XKR9: variants seen among roughly 807,000 people sequenced by gnomAD.
The protein encoded by XKR9 is XK-related protein 9.
In XKR9, 32 loss-of-function variants were observed where a neutral mutation model predicts 32.0. That is an observed-to-expected ratio of 1.00 (90% CI 0.76 to 1.34). The LOEUF (loss-of-function observed/expected upper bound fraction) is 1.34, where lower values mean the gene tolerates loss of function less well. Ranked by LOEUF, XKR9 falls within the 40% of genes most tolerant of loss-of-function variation. The pLI, the probability that XKR9 is intolerant of heterozygous loss-of-function variation, is 0.00. For missense variants in XKR9, 546 were observed against 429.7 expected (o/e 1.27, Z -2.39); for synonymous variants, 168 against 143.4 (o/e 1.17, Z -1.22).
At chr8:70,857,990 A>G in the XKR9 span, among the ~76,000 whole-genome samples, 1 of 152,082 alleles carries the variant, frequency 6.6e-6, no homozygotes, top group Non-Finnish European at 1.5e-5. Context: ...CTATCTAATG[A>G]AAACCCACAG....
chr8:70,716,793 A>C (rs753489310), intron 4 of XKR9, among the ~76,000 whole-genome samples: 1 of 152,166 alleles, frequency 6.6e-6, no homozygotes, highest in Non-Finnish European at 1.5e-5. Flanking sequence ...ATGTTAGCTC[A>C]TCCCAGCTTT....
At chr8:70,783,274 T>C (rs960790983) in intron 2 of XKR9, among the ~76,000 whole-genome samples, 5 of 151,954 alleles carry the variant, frequency 3.3e-5, no homozygotes, top group African/African-American at 1.2e-4. Context: ...TCGCCCAGGC[T>C]GGAGTGCAGT....
At chr8:70,689,630 A>G (rs564317771) in intron 3 of XKR9, among the ~76,000 whole-genome samples, 83 of 152,010 alleles carry the variant, frequency 5.5e-4, no homozygotes, top group Non-Finnish European at 1.0e-3. Flanking sequence ...ATTGAAAACA[A>G]TTTTAGTGTC....
At chr8:70,711,133 G>A (rs1057417314) in intron 4 of XKR9, among the ~76,000 whole-genome samples, 1 of 152,200 alleles carries the variant, frequency 6.6e-6, no homozygotes, top group Non-Finnish European at 1.5e-5. Context: ...GCAGATGTAG[G>A]TGAGGTTGCA....
At chr8:70,854,584 T>G in the XKR9 span, among the ~76,000 whole-genome samples, 1 of 152,224 alleles carries the variant, frequency 6.6e-6, no homozygotes, top group Non-Finnish European at 1.5e-5. Context: ...GTTTTAGTCA[T>G]GAAATCCTTG....
the XKR9 span, among the ~76,000 whole-genome samples, chr8:70,798,176 T>C: frequency 6.6e-6 from 1 of 152,114 alleles, no homozygotes; most frequent in Non-Finnish European, 1.5e-5. Flanking sequence ...ACCAGCAGTG[T>C]ATAAGTGTTC....
intron 3 of XKR9, among the ~76,000 whole-genome samples, chr8:70,685,490 TATA>T (rs56223664): frequency 1.8e-4 from 25 of 141,704 alleles, no homozygotes; most frequent in South Asian, 9.1e-4. Context: ...AAACTTAAAG[TATA>T]ATAATAATAA....
the XKR9 span, among the ~76,000 whole-genome samples, chr8:70,982,991 A>T: frequency 6.6e-6 from 1 of 152,190 alleles, no homozygotes; most frequent in Non-Finnish European, 1.5e-5. Flanking sequence ...GCTGTCACTC[A>T]TGTGTCATCC....
At chr8:70,930,920 C>T in the XKR9 span, among the ~76,000 whole-genome samples, 516 of 152,218 alleles carry the variant, frequency 3.4e-3, 5 homozygotes, top group African/African-American at 0.012. Flanking sequence ...GAACCTTCTT[C>T]ACCTTTCTGG....
At chr8:70,845,308 T>C in the XKR9 span, among the ~76,000 whole-genome samples, 1 of 152,060 alleles carries the variant, frequency 6.6e-6, no homozygotes, top group African/African-American at 2.4e-5. Flanking sequence ...TTAAAGTCAA[T>C]GCAAAAAGTT....
intron 4 of XKR9, among the ~76,000 whole-genome samples, chr8:70,709,443 A>G (rs957997430): frequency 6.6e-6 from 1 of 152,198 alleles, no homozygotes; most frequent in Non-Finnish European, 1.5e-5. Flanking sequence ...TGCTAGAAGT[A>G]CTAGCCAGAG....
At chr8:70,846,468 G>T in the XKR9 span, among the ~76,000 whole-genome samples, 1 of 151,608 alleles carries the variant, frequency 6.6e-6, no homozygotes, top group South Asian at 2.1e-4. Context: ...AGAAAGAAAG[G>T]AACAAAGATA....
the XKR9 span, among the ~76,000 whole-genome samples, chr8:70,895,530 G>C: frequency 2.5e-3 from 376 of 152,242 alleles, 11 homozygotes; most frequent in East Asian, 0.067. Flanking sequence ...TTTTGATTCA[G>C]ATTACTTTGA....
At chr8:70,803,294 A>C in the XKR9 span, among the ~76,000 whole-genome samples, 2 of 152,306 alleles carry the variant, frequency 1.3e-5, no homozygotes, top group Admixed American at 1.3e-4. Flanking sequence ...AGCTCAGTTC[A>C]GGTTGGCTCT....
chr8:70,831,713 A>G, the XKR9 span, among the ~76,000 whole-genome samples: 4 of 152,180 alleles, frequency 2.6e-5, no homozygotes, highest in Admixed American at 6.5e-5. Context: ...TAGATCCAGG[A>G]TGCTTCATAC....
downstream of XKR9, among the ~76,000 whole-genome samples, chr8:70,791,835 C>A (rs559119142): frequency 8.0e-4 from 122 of 152,178 alleles, no homozygotes; most frequent in African/African-American, 2.8e-3. Context: ...AGCAACAATA[C>A]CTAAAATTTA....
At chr8:71,006,568 C>T in the XKR9 span, among the ~76,000 whole-genome samples, 2 of 152,254 alleles carry the variant, frequency 1.3e-5, no homozygotes, top group East Asian at 1.9e-4. Flanking sequence ...CTGCAGCACA[C>T]ATGAGGTATA....
the XKR9 span, among the ~76,000 whole-genome samples, chr8:71,038,148 T>C: frequency 6.6e-6 from 1 of 152,216 alleles, no homozygotes; most frequent in Non-Finnish European, 1.5e-5. Context: ...AATTGAACTT[T>C]GTCAGCTTGG....
chr8:70,671,060 G>T (rs1818699292), intron 1 of XKR9, among the ~76,000 whole-genome samples: 1 of 152,226 alleles, frequency 6.6e-6, no homozygotes, highest in South Asian at 2.1e-4. Context: ...TACTTACAGG[G>T]TCTGGCTTTC....
Sources: gnomAD v4.1 joint callset for allele counts (sites outside exome capture counted in the v4.1 genomes callset) on GRCh38, gnomAD v4.1.1 for gene constraint, MANE v1.5 for transcripts, NCBI Gene and HGNC (gene_info 2026-07-23, HGNC 2026-07-21) for gene names.